MORC3: variants seen among roughly 807,000 people sequenced by gnomAD.
MORC3 encodes the protein MORC family CW-type zinc finger protein 3.
Under a neutral mutation model 109.1 loss-of-function variants are expected in MORC3, and 31 were observed. The observed-to-expected ratio is 0.28, with a 90% CI of 0.21 to 0.38. MORC3 has a LOEUF of 0.38. MORC3 is among the 10% of genes least tolerant of loss of function. The pLI, the probability that MORC3 is intolerant of heterozygous loss-of-function variation, is 1.00. For synonymous variants in MORC3, 395 were observed against 380.7 expected (o/e 1.04, Z -0.44); for missense variants, 867 against 1,135.8 (o/e 0.76, Z 3.40).
chr21:36,349,478 C>T, intron 9 of MORC3, 70 bp downstream of exon 9: 2 of 996,060 alleles, frequency 2.0e-6, no homozygotes, highest in South Asian at 1.6e-5. Context: ...AGGAACTACT[C>T]TATTTTCTGT....
chr21:36,348,157 C>T (rs900359487), intron 8 of MORC3: 5 of 152,156 alleles, frequency 3.3e-5, no homozygotes, highest in African/African-American at 1.2e-4. Flanking sequence ...GAAGATGACT[C>T]ATATACTTTG....
intron 13 of MORC3, among the ~76,000 whole-genome samples, chr21:36,363,721 T>C (rs1002897134): frequency 1.3e-5 from 2 of 152,278 alleles, no homozygotes; most frequent in African/African-American, 4.8e-5. Context: ...AGGGGCCATC[T>C]GAATGCAAGT....
At chr21:36,320,744 CG>C (rs1363198083) in intron 1 of MORC3, 1 of 169,164 alleles carries the variant, frequency 5.9e-6, no homozygotes, top group Non-Finnish European at 1.3e-5. Context: ...GACGGGGCTG[CG>C]GGCCTGCCTG....
Position 36,375,538 on chromosome 21 carries a change from A to G in MORC3, c.*242A>G, listed in dbSNP as rs1054093342. 12 of 346,414 alleles carry G rather than the reference A, an allele frequency of 3.5e-5. No individual in the cohort carries two copies. The highest frequency in any genetic ancestry group is 7.6e-5 in the South Asian group (2 of 26,482). 21.5% of individuals were successfully genotyped at this position (346,414 alleles called of 1,614,324 possible). A position where few individuals can be genotyped will look rare whatever the true frequency, so the allele number is the denominator to read the frequency against. Reference sequence around the variant, plus strand: ...AACTCATGACTCTGTTTTGAATGTAAATATTTGTAATTAAGCCTGCACATA... The same window carrying G: ...AACTCATGACTCTGTTTTGAATGTAGATATTTGTAATTAAGCCTGCACATA... On this transcript the variant is annotated 3_prime_UTR_variant, in exon 17 of 17. Transcript: ENST00000400485.
rs567404717 is a variant in MORC3 at position 36,364,251 on chromosome 21, G to C, written c.1611G>C (p.Glu537Asp). The C allele has an allele frequency of 6.2e-6, 10 of 1,613,900 alleles. No individual in the cohort carries two copies. In the South Asian group the frequency reaches 8.8e-5, roughly 14 times the overall value. ...NHQVPPQSEP[E>D]SNSLKRRLST... is the part of the protein sequence containing the mutation. ...AAGTTCCACCTCAGTCTGAACCTGA[G>C]AGCAACAGGTCAGTGGCTAAGATTG... Residue 537 changes from glutamate (E) to aspartate (D), a missense_variant, in exon 14 of 17, where the codon GAG becomes GAC. Glu to Asp is a conservative substitution (Grantham distance 45, BLOSUM62 2). Transcript: ENST00000400485.
intron 9 of MORC3, among the ~76,000 whole-genome samples, chr21:36,351,728 A>G (rs1008117881): frequency 1.3e-5 from 2 of 152,208 alleles, no homozygotes; most frequent in Admixed American, 6.5e-5. Flanking sequence ...CTCGTACACT[A>G]TTAGTGGGAA....
intron 9 of MORC3, among the ~76,000 whole-genome samples, chr21:36,349,980 G>T (rs1465160949): frequency 6.6e-6 from 1 of 152,148 alleles, no homozygotes; most frequent in African/African-American, 2.4e-5. Context: ...TGGATTTGGA[G>T]CCTAGAGACA....
In MORC3 at chr21:36,325,981, G is replaced by A. The variant is rs576363062; in HGVS notation, c.39+5678G>A. Among the ~76,000 whole-genome samples the A allele has an allele frequency of 2.6e-5, 4 of 152,002 alleles. No homozygotes were observed. The South Asian group carries it at 8.3e-4, about 32-fold the overall frequency. On this transcript the variant is annotated intron_variant, in intron 1 of 16. Transcript: ENST00000400485. Reference sequence around the variant, plus strand: ...CAGCACTTTGGGAGGCCGAGGCAGGGGGATCACTTGAGGTCAGGAGTTCGA... The same window carrying A: ...CAGCACTTTGGGAGGCCGAGGCAGGAGGATCACTTGAGGTCAGGAGTTCGA...
rs1308051081 is a variant in MORC3, at chr21:36,375,396, C to T, written c.*100C>T. Reference sequence around the variant, plus strand: ...TTTTATAGATATGATAGGCAACAGACTGAAAACCATAATCTTTACTGTATT... The same window carrying T: ...TTTTATAGATATGATAGGCAACAGATTGAAAACCATAATCTTTACTGTATT... On this transcript the variant is annotated 3_prime_UTR_variant, in exon 17 of 17. Coordinates refer to ENST00000400485, the MANE Select transcript of MORC3 (RefSeq NM_015358.3). The T allele has an allele frequency of 3.7e-6, 4 of 1,069,874 alleles. No homozygotes were observed. Among genetic ancestry groups the T allele is most frequent in the Non-Finnish European group, 5.3e-6 (4 of 759,320 alleles). 66.3% of individuals were successfully genotyped at this position (1,069,874 alleles called of 1,614,324 possible).
At chr21:36,364,598 A>AG (rs2085757374) in intron 14 of MORC3, among the ~76,000 whole-genome samples, 1 of 151,786 alleles carries the variant, frequency 6.6e-6, no homozygotes, top group African/African-American at 2.4e-5. Context: ...GCTGAGGCTG[A>AG]GGCTGAGGCT....
chr21:36,359,556 C>CTTTTTTTTTTTTTTTTTTTTTTTTTT (rs5843757), intron 10 of MORC3, among the ~76,000 whole-genome samples: 2 of 93,952 alleles, frequency 2.1e-5, no homozygotes, highest in Non-Finnish European at 3.7e-5. Context: ...CTTTCCTCTC[C>CTTTTTTTTTTTTTTTTTTTTTTTTTT]TTTTTTTTTT....
chr21:36,356,430 T>A (rs1271787035), intron 9 of MORC3, among the ~76,000 whole-genome samples, 190 bp from the exon 10 acceptor site: 6 of 152,212 alleles, frequency 3.9e-5, no homozygotes, highest in Non-Finnish European at 8.8e-5. Context: ...TCTAATTTAT[T>A]GAAAGAAAAT....
chr21:36,354,936 C>G (rs2085628332), intron 9 of MORC3, among the ~76,000 whole-genome samples: 1 of 152,000 alleles, frequency 6.6e-6, no homozygotes, highest in Non-Finnish European at 1.5e-5. Flanking sequence ...CCTTTTTTTT[C>G]CTGTATATCC....
chr21:36,375,690 A>T lies in MORC3; in HGVS notation c.*394A>T, dbSNP rs1482153597. 1 of 154,558 alleles carries T rather than the reference A, an allele frequency of 6.5e-6. No homozygotes were observed. Among genetic ancestry groups the T allele is most frequent in the African/African-American group, 2.4e-5 (1 of 41,512 alleles). The allele number at this position is 154,558 out of a possible 1,614,324, so 9.6% of individuals were successfully genotyped here. On this transcript the variant is annotated 3_prime_UTR_variant, in exon 17 of 17. Transcript: ENST00000400485. ...TCTCTAAGTCGAGGGCTATGCCATA[A>T]TACAAATGGAAATGTTACCTTTGAT... is the stretch of plus-strand genomic sequence containing the variant.
intron 14 of MORC3, among the ~76,000 whole-genome samples, chr21:36,365,067 A>AAAC (rs1442013676): frequency 6.6e-6 from 1 of 151,620 alleles, no homozygotes; most frequent in Admixed American, 6.6e-5. Flanking sequence ...AAAAAAAAAA[A>AAAC]AAACATGAAG....
At chr21:36,349,262 G>T in intron 8 of MORC3, 49 bp from the exon 9 acceptor site, 1 of 1,190,832 alleles carries the variant, frequency 8.4e-7, no homozygotes, top group South Asian at 1.3e-5. Context: ...TAATTATTTT[G>T]AGCATCATGT....
intron 16 of MORC3, among the ~76,000 whole-genome samples, chr21:36,374,653 G>A (rs2085908993): frequency 6.6e-6 from 1 of 152,016 alleles, no homozygotes; most frequent in South Asian, 2.1e-4. Flanking sequence ...AAATTAACCG[G>A]GCATGGTGGT....
chr21:36,320,226 T>C lies in MORC3; in HGVS notation c.-39T>C, dbSNP rs375113335. 1.4e-4 allele frequency: 222 copies of C among 1,568,428 alleles called. No individual in the cohort carries two copies. The highest frequency in any genetic ancestry group is 2.3e-4 in the Admixed American group (12 of 52,836). On this transcript the variant is annotated 5_prime_UTR_variant, in exon 1 of 17. Coordinates refer to ENST00000400485, the MANE Select transcript of MORC3 (RefSeq NM_015358.3). ...TCGTTCCGCCACCTCCCAGTCGGGTTGCGGCGGAGGCCGTTCCTGGCTTTG... is the reference window on the plus strand; with the variant it reads ...TCGTTCCGCCACCTCCCAGTCGGGTCGCGGCGGAGGCCGTTCCTGGCTTTG...
intron 13 of MORC3, among the ~76,000 whole-genome samples, chr21:36,362,508 A>G (rs1167970470): frequency 6.6e-6 from 1 of 152,006 alleles, no homozygotes; most frequent in Non-Finnish European, 1.5e-5. Context: ...GTACCATTGC[A>G]CTGCGGTCTG....
Sources: allele counts gnomAD v4.1 joint callset (sites outside exome capture counted in the v4.1 genomes callset), GRCh38; gene constraint gnomAD v4.1.1; transcripts MANE v1.5; gene names NCBI Gene and HGNC (gene_info 2026-07-23, HGNC 2026-07-21).